Variants in MCC observed in about 807,000 individuals in gnomAD.
MCC encodes MCC regulator of Wnt signaling pathway, also known as colorectal mutant cancer protein.
In MCC, 90 loss-of-function variants were observed where a neutral mutation model predicts 116.2. That is an observed-to-expected ratio of 0.77 (90% confidence interval 0.65 to 0.92). The LOEUF (loss-of-function observed/expected upper bound fraction) is 0.92. Ranked by LOEUF, MCC falls within the 40% of genes least tolerant of loss-of-function variation. The pLI is 0.00. For synonymous variants in MCC, 578 were observed against 510.5 expected, an observed-to-expected ratio of 1.13 and a Z score of -1.78; for missense variants, 1,516 against 1,312.2, an observed-to-expected ratio of 1.16 and a Z score of -2.40.
chr5:113,412,732 C>G (rs1435678358), intron 1 of MCC, among the ~76,000 whole-genome samples: 1 of 152,180 alleles, frequency 6.6e-6, no homozygotes, highest in Non-Finnish European at 1.5e-5. Context: ...GACAATTTGA[C>G]TTCCTCTTTT....
chr5:113,191,121 A>G (rs1231494479), intron 3 of MCC, among the ~76,000 whole-genome samples: 1 of 152,146 alleles, frequency 6.6e-6, no homozygotes, highest in Non-Finnish European at 1.5e-5. Flanking sequence ...TCTCCATTAC[A>G]TTCAAGTTCT....
chr5:113,152,885 C>T (rs890939620), intron 3 of MCC, among the ~76,000 whole-genome samples: 2 of 152,182 alleles, frequency 1.3e-5, no homozygotes, highest in Non-Finnish European at 2.9e-5. Context: ...TATTTGTCTT[C>T]TGATGTAGGG....
chr5:113,262,259 C>A (rs1346904909), intron 3 of MCC, among the ~76,000 whole-genome samples: 1 of 151,958 alleles, frequency 6.6e-6, no homozygotes, highest in African/African-American at 2.4e-5. Context: ...ATGTCAATCC[C>A]ATGATTCTAG....
chr5:113,053,786 C>G lies in MCC; in HGVS notation c.2387G>C (p.Gly796Ala), dbSNP rs144555707. Residue 796 changes from glycine to alanine, a missense_variant, in exon 15 of 19, where the codon GGA (glycine) becomes GCA (alanine). Coordinates refer to ENST00000408903, the MANE Select transcript of MCC (RefSeq NM_001085377.2). The stretch of plus-strand genomic sequence containing the variant: ...TTCCAGATCCAGCCTCTGGCTGTCT[C>G]CCCGAGGCTTGACGTCATAGCTGAG... ...DPLSYDVKPR[G>A]DSQRLDLENA... 1 of 1,614,008 alleles carries G rather than the reference C, an allele frequency of 6.2e-7. No individual in the cohort carries two copies.
chr5:113,433,828 G>T, intron 1 of MCC: 2 of 1,614,022 alleles, frequency 1.2e-6, no homozygotes. Context: ...ATCTCCGACT[G>T]CCTGGACATT....
intron 5 of MCC, among the ~76,000 whole-genome samples, chr5:113,131,853 T>C (rs4705546): frequency 6.6e-6 from 1 of 151,912 alleles, no homozygotes. Context: ...CTGGGGAGAA[T>C]AGAGGGGTGG....
At chr5:113,068,009 T>A in intron 13 of MCC, 71 bp downstream of exon 13, 2 of 1,341,826 alleles carry the variant, frequency 1.5e-6, no homozygotes, top group Non-Finnish European at 2.1e-6. Flanking sequence ...CAATGCCAGT[T>A]GCTGAGACAG....
In MCC at chr5:113,170,313, C is replaced by T. The variant is rs376214890; in HGVS notation, c.628-18891G>A. Among the ~76,000 whole-genome samples, 3 of 152,300 alleles carry T rather than the reference C, an allele frequency of 2.0e-5. No homozygotes were observed. The South Asian group carries it at 6.2e-4, about 32-fold the overall frequency. On this transcript the variant is annotated intron_variant, in intron 3 of 18. Transcript: ENST00000408903. ...TCCTTTTCTTCAATGGACTTTACTT[C>T]TAATCCATGGCAGAATCATCCTCTC...
At chr5:113,220,425 A>C (rs554994463) in intron 3 of MCC, among the ~76,000 whole-genome samples, 17 of 152,132 alleles carry the variant, frequency 1.1e-4, no homozygotes, top group African/African-American at 3.9e-4. Flanking sequence ...AATTGAGAGA[A>C]TTTATATCAT....
At chr5:113,356,615 T>C (rs146716078) in intron 2 of MCC, among the ~76,000 whole-genome samples, 164 of 152,206 alleles carry the variant, frequency 1.1e-3, no homozygotes, top group African/African-American at 3.7e-3. Context: ...ACTGAGACAT[T>C]TGCCCTGCTG....
intron 3 of MCC, among the ~76,000 whole-genome samples, chr5:113,252,032 T>C (rs1764822136): frequency 6.6e-6 from 1 of 152,186 alleles, no homozygotes; most frequent in African/African-American, 2.4e-5. Flanking sequence ...CCACCCTTTT[T>C]CCACAAAAAT....
intron 3 of MCC, among the ~76,000 whole-genome samples, chr5:113,183,715 C>T (rs182331890): frequency 6.6e-6 from 1 of 152,194 alleles, no homozygotes; most frequent in East Asian, 1.9e-4. Context: ...CTCAAGAGCA[C>T]CAGGGGCAAA....
At chr5:113,327,562 ATAT>A (rs1469723766) in intron 3 of MCC, among the ~76,000 whole-genome samples, 91 of 75,300 alleles carry the variant, frequency 1.2e-3, no homozygotes, top group African/African-American at 3.6e-3. Flanking sequence ...AAAAAAAAAA[ATAT>A]ATATATATAT....
intron 6 of MCC, among the ~76,000 whole-genome samples, chr5:113,120,831 TCTC>T (rs1379159316): frequency 2.0e-5 from 3 of 152,210 alleles, no homozygotes; most frequent in Non-Finnish European, 2.9e-5. Context: ...AGCCCAGGTC[TCTC>T]CTCTTGGTGT....
chr5:113,085,259 T>C lies in MCC; in HGVS notation c.1450A>G (p.Ser484Gly), dbSNP rs756023528. 1.9e-6 allele frequency: 3 copies of C among 1,614,076 alleles called. No individual in the cohort carries two copies. The highest frequency in any genetic ancestry group is 2.7e-5 in the African/African-American group (2 of 74,924). The change falls in exon 9 of 19, where the codon AGC becomes GGC. Residue 484 changes from serine (S) to glycine (G), a missense_variant. Coordinates refer to ENST00000408903, the MANE Select transcript of MCC (RefSeq NM_001085377.2). ...TTGGTGGAAGTGAGGCGGCCAGGGC[T>C]GGAGGGACCTGTGGCCTGCACGCTC... ...LQSVQATGPS[S>G]PGRLTSTNRP...
intron 3 of MCC, among the ~76,000 whole-genome samples, chr5:113,290,463 A>T (rs904107274): frequency 1.3e-5 from 2 of 152,232 alleles, no homozygotes; most frequent in African/African-American, 2.4e-5. Context: ...GAAATTTTTT[A>T]AAAATAAATT....
intron 13 of MCC, among the ~76,000 whole-genome samples, chr5:113,067,220 G>C (rs549840928): frequency 6.6e-6 from 1 of 152,164 alleles, no homozygotes; most frequent in East Asian, 1.9e-4. Flanking sequence ...CAGGATCCCC[G>C]GGCTGGGGGA....
chr5:113,087,699 C>T (rs1191381708), intron 8 of MCC, among the ~76,000 whole-genome samples: 1 of 151,762 alleles, frequency 6.6e-6, no homozygotes, highest in Non-Finnish European at 1.5e-5. Flanking sequence ...CACTCCAAAA[C>T]CTAAATGGTG....
At chr5:113,125,605 C>T (rs555248642) in intron 5 of MCC, among the ~76,000 whole-genome samples, 3 of 152,252 alleles carry the variant, frequency 2.0e-5, no homozygotes, top group South Asian at 2.1e-4. Context: ...TCAGAGGGTC[C>T]TCTGTAAACT....
Sources: gnomAD v4.1 joint callset for allele counts (sites outside exome capture counted in the v4.1 genomes callset) on GRCh38, gnomAD v4.1.1 for gene constraint, MANE v1.5 for transcripts, NCBI Gene and HGNC (gene_info 2026-07-23, HGNC 2026-07-21) for gene names.